Variants in SGCZ observed in about 807,000 individuals in gnomAD.
The protein encoded by SGCZ is zeta-sarcoglycan.
Under a neutral mutation model 41.3 loss-of-function variants are expected in SGCZ, and 40 were observed. The ratio of observed to expected loss-of-function variants is 0.97; its 90% CI spans 0.75 to 1.26. SGCZ has a LOEUF of 1.26. SGCZ is among the 50% of genes most tolerant of loss of function. The pLI is 0.00. For synonymous variants in SGCZ, 206 were observed against 137.5 expected, an observed-to-expected ratio of 1.50 and a Z score of -3.49; for missense variants, 552 against 369.8, an observed-to-expected ratio of 1.49 and a Z score of -4.04.
intron 1 of SGCZ, among the ~76,000 whole-genome samples, chr8:15,004,905 C>A (rs10888095): frequency 0.48 from 73,126 of 151,910 alleles, 18,003 homozygotes; most frequent in South Asian, 0.54. Context: ...CAGATTCTCA[C>A]CACTGCCACA....
chr8:15,072,532 A>G (rs2131030295), intron 1 of SGCZ, among the ~76,000 whole-genome samples: 1 of 152,306 alleles, frequency 6.6e-6, no homozygotes, highest in Admixed American at 6.5e-5. Context: ...GACCTGTCCT[A>G]TAACCTATTG....
intron 1 of SGCZ, among the ~76,000 whole-genome samples, chr8:15,036,700 T>C (rs958089356): frequency 4.6e-5 from 7 of 152,040 alleles, no homozygotes; most frequent in South Asian, 2.1e-4. Flanking sequence ...TTCCAAAAAA[T>C]TGAAGAGGAG....
chr8:14,728,671 T>C (rs1231833769), intron 1 of SGCZ, among the ~76,000 whole-genome samples: 3 of 152,316 alleles, frequency 2.0e-5, no homozygotes, highest in East Asian at 3.9e-4. Context: ...ATCATTTATT[T>C]ATGTCTCAAT....
At chr8:15,156,518 G>C (rs1454593266) in intron 1 of SGCZ, among the ~76,000 whole-genome samples, 1 of 152,148 alleles carries the variant, frequency 6.6e-6, no homozygotes, top group Non-Finnish European at 1.5e-5. Flanking sequence ...GTCATGATTT[G>C]CTGTTTTTCA....
At chr8:14,960,367 T>A (rs35758930) in intron 1 of SGCZ, among the ~76,000 whole-genome samples, 5,295 of 152,122 alleles carry the variant, frequency 0.035, 138 homozygotes, top group Non-Finnish European at 0.057. Flanking sequence ...ATTTTTTTTT[T>A]ATGGGTTTGG....
At chr8:14,857,880 GAAAGA>G (rs1166871325) in intron 1 of SGCZ, among the ~76,000 whole-genome samples, 4 of 151,878 alleles carry the variant, frequency 2.6e-5, no homozygotes, top group Non-Finnish European at 2.9e-5. Flanking sequence ...AAAAGAAAAG[GAAAGA>G]AAAGAAAACA....
At position 14,090,318 on chromosome 8, in the gene SGCZ, A is replaced by G. The variant is rs958143635; in HGVS notation, c.*125T>C. 4.2e-6 allele frequency: 4 copies of G among 946,212 alleles called. No individual in the cohort carries two copies. The African/African-American group carries it at 4.9e-5, about 12-fold the overall frequency. The allele number at this position is 946,212 out of a possible 1,614,324, so 58.6% of individuals were successfully genotyped here. On this transcript the variant is annotated 3_prime_UTR_variant, in exon 8 of 8. Coordinates refer to ENST00000382080, the MANE Select transcript of SGCZ (RefSeq NM_139167.4). ...AAGGTGGTGGCGAATCCCTGCTCAC[A>G]CTGGAAGTTGCTCTGTGGACCATTC...
intron 1 of SGCZ, among the ~76,000 whole-genome samples, chr8:14,941,074 G>C (rs1403355640): frequency 2.0e-5 from 3 of 152,050 alleles, no homozygotes; most frequent in Non-Finnish European, 4.4e-5. Flanking sequence ...TTTTTACCTA[G>C]CATTAGGCAA....
At chr8:14,140,037 A>AAATC (rs1377797294) in intron 5 of SGCZ, among the ~76,000 whole-genome samples, 1 of 152,000 alleles carries the variant, frequency 6.6e-6, no homozygotes, top group African/African-American at 2.4e-5. Context: ...CAACATATGC[A>AAATC]AATCAATAGA....
chr8:14,517,316 T>G (rs1040912313), intron 2 of SGCZ, among the ~76,000 whole-genome samples: 1 of 152,124 alleles, frequency 6.6e-6, no homozygotes, highest in Admixed American at 6.6e-5. Context: ...CCCAAGTTAA[T>G]GTAGGAGCTA....
intron 1 of SGCZ, among the ~76,000 whole-genome samples, chr8:14,719,673 T>C (rs1472039945): frequency 2.0e-5 from 3 of 152,182 alleles, no homozygotes; most frequent in East Asian, 1.9e-4. Flanking sequence ...TGTCTGTTCA[T>C]GTCCTTTGCC....
chr8:15,164,307 C>G (rs1372466773), intron 1 of SGCZ, among the ~76,000 whole-genome samples: 1 of 152,068 alleles, frequency 6.6e-6, no homozygotes, highest in South Asian at 2.1e-4. Context: ...TGGGGGATAC[C>G]ATGCCTTTTT....
chr8:14,289,218 A>T (rs1585323879), intron 3 of SGCZ, among the ~76,000 whole-genome samples: 1 of 149,472 alleles, frequency 6.7e-6, no homozygotes, highest in Non-Finnish European at 1.5e-5. Flanking sequence ...ACATAGTAGG[A>T]TTTTTTTTTT....
intron 1 of SGCZ, among the ~76,000 whole-genome samples, chr8:15,189,595 C>G (rs1278074418): frequency 1.3e-5 from 2 of 151,308 alleles, no homozygotes; most frequent in African/African-American, 4.8e-5. Flanking sequence ...GAGTCTTGCT[C>G]TATTGCCCAG....
intron 1 of SGCZ, among the ~76,000 whole-genome samples, chr8:15,123,699 A>G (rs1807569392): frequency 6.6e-6 from 1 of 152,212 alleles, no homozygotes; most frequent in Admixed American, 6.5e-5. Context: ...CACCAGGACA[A>G]AGGGTGAACA....
intron 1 of SGCZ, among the ~76,000 whole-genome samples, chr8:14,912,444 CAT>C (rs772798271): frequency 1.9e-4 from 29 of 152,016 alleles, no homozygotes; most frequent in Non-Finnish European, 3.4e-4. Context: ...CTTTATACTA[CAT>C]GTTGAGAACT....
At chr8:14,267,612 T>C (rs17228833) in intron 3 of SGCZ, among the ~76,000 whole-genome samples, 40,062 of 152,010 alleles carry the variant, frequency 0.26, 6,772 homozygotes, top group Non-Finnish European at 0.38. Flanking sequence ...ACGATATTTT[T>C]GTTGTCACTG....
intron 3 of SGCZ, among the ~76,000 whole-genome samples, chr8:14,323,009 A>G (rs1801978655): frequency 6.6e-6 from 1 of 152,128 alleles, no homozygotes; most frequent in Admixed American, 6.6e-5. Flanking sequence ...ACATCTGTCT[A>G]CTGTGTTACT....
intron 1 of SGCZ, among the ~76,000 whole-genome samples, chr8:14,656,535 T>C (rs1807581512): frequency 7.3e-6 from 1 of 137,778 alleles, no homozygotes; most frequent in African/African-American, 2.5e-5. Context: ...TCTTTCTTTT[T>C]TCTTTCTTTC....
Sources: allele counts gnomAD v4.1 joint callset (sites outside exome capture counted in the v4.1 genomes callset), GRCh38; gene constraint gnomAD v4.1.1; transcripts MANE v1.5; gene names NCBI Gene and HGNC (gene_info 2026-07-23, HGNC 2026-07-21).